The following GPR22 variants were observed in gnomAD, a reference collection of about 807,000 sequenced individuals.
GPR22 encodes G protein-coupled receptor 22.
A neutral mutation model predicts 31.0 loss-of-function variants in GPR22; 13 were observed. That is an observed-to-expected ratio of 0.42 (90% CI 0.27 to 0.67). GPR22 has a LOEUF of 0.67. Among genes scored for constraint, GPR22 ranks in the 30% least tolerant of loss-of-function variants. The pLI, the probability that GPR22 is intolerant of heterozygous loss-of-function variation, is 0.25. For synonymous variants in GPR22, 191 were observed against 173.4 expected, an observed-to-expected ratio of 1.10 and a Z score of -0.80; for missense variants, 368 against 509.6, an observed-to-expected ratio of 0.72 and a Z score of 2.67.
chr7:107,477,327 GACT>G (rs1296558138), downstream of GPR22, among the ~76,000 whole-genome samples: 1 of 151,414 alleles, frequency 6.6e-6, no homozygotes, highest in Non-Finnish European at 1.5e-5. Context: ...ATAAAAATTA[GACT>G]ATTTTTAGAA....
chr7:107,477,765 C>T (rs1584875111), downstream of GPR22, among the ~76,000 whole-genome samples: 1 of 152,002 alleles, frequency 6.6e-6, no homozygotes, highest in South Asian at 2.1e-4. Flanking sequence ...ATGTTTCCAA[C>T]TACTGACCTC....
rs1796628463 is a variant in GPR22 at position 107,471,456 on chromosome 7, G to GC, written c.-873_-872insC. On this transcript the variant is annotated 5_prime_UTR_variant, in exon 2 of 3. It removes the in-frame stop codon of an upstream open reading frame in the 5' UTR. Coordinates refer to ENST00000304402, the MANE Select transcript of GPR22 (RefSeq NM_005295.3). Reference sequence around the variant, plus strand: ...GCATCTCCCTAGCTGTCTGAACTACGAACTGCAAGATGTTCTTGTAACACG... The same window carrying GC: ...GCATCTCCCTAGCTGTCTGAACTACGCAACTGCAAGATGTTCTTGTAACACG... The GC allele has an allele frequency of 6.6e-6, 1 of 151,938 alleles. No individual in the cohort carries two copies. The highest frequency in any genetic ancestry group is 2.4e-5 in the African/African-American group (1 of 41,396). The allele number at this position is 151,938 out of a possible 1,614,324, so 9.4% of individuals were successfully genotyped here. A position where few individuals can be genotyped will look rare whatever the true frequency, so the allele number is the denominator to read the frequency against.
chr7:107,473,419 T>C (rs1796761642), intron 2 of GPR22, among the ~76,000 whole-genome samples: 1 of 152,066 alleles, frequency 6.6e-6, no homozygotes, highest in African/African-American at 2.4e-5. Context: ...AACTGTGATA[T>C]GTAAAATATT....
chr7:107,476,000 T>A (rs946024023), downstream of GPR22, among the ~76,000 whole-genome samples: 13 of 151,138 alleles, frequency 8.6e-5, no homozygotes, highest in South Asian at 2.1e-4. Flanking sequence ...AGAGAAACTT[T>A]AAAATTCATG....
rs1318946526 is a variant in GPR22, at chr7:107,475,191, C to T, written c.1131C>T (p.Val377=). 1 of 1,611,494 alleles carries T rather than the reference C, an allele frequency of 6.2e-7. No individual in the cohort carries two copies. Among genetic ancestry groups the T allele is most frequent in the Non-Finnish European group, 8.5e-7 (1 of 1,178,506 alleles). ...TCACTAGACAAAAATTTCAAAAGGT[C>T]TTGAAAAGTAAAATGAAAAAGCGAG... The part of the protein sequence containing the change: ...YAFTRQKFQK[V]LKSKMKKRVV... Residue 377 remains valine, a synonymous_variant, in exon 3 of 3, where the codon GTC becomes GTT. Coordinates refer to ENST00000304402, the MANE Select transcript of GPR22 (RefSeq NM_005295.3).
Position 107,475,401 on chromosome 7 carries a change from G to A in GPR22, c.*39G>A. 1 of 944,872 alleles carries A rather than the reference G, an allele frequency of 1.1e-6. No homozygotes were observed. The highest frequency in any genetic ancestry group is 1.6e-6 in the Non-Finnish European group (1 of 639,372). The allele number at this position is 944,872 out of a possible 1,614,324, so 58.5% of individuals were successfully genotyped here. ...TTTCACCAAATCCACATTCAAATGA[G>A]TTTTAAATTTAAATTGTAAAAACTG... is the stretch of plus-strand genomic sequence containing the variant. On this transcript the variant is annotated 3_prime_UTR_variant, in exon 3 of 3. Transcript: ENST00000304402.
rs181796141 is a variant in GPR22 at position 107,472,385 on chromosome 7, G to A, written c.-27+83G>A. 3.3e-5 allele frequency: 5 copies of A among 152,024 alleles called. No individual in the cohort carries two copies. In the East Asian group the frequency reaches 7.7e-4, roughly 23 times the overall value. 9.4% of individuals were successfully genotyped at this position (152,024 alleles called of 1,614,324 possible). On this transcript the variant is annotated intron_variant, in intron 2 of 2. Coordinates refer to ENST00000304402, the MANE Select transcript of GPR22 (RefSeq NM_005295.3). ...TCATAGTGAACCAAAAGGCCCATAA[G>A]GCAACAGCAAACAGGTAGGTCAGAA... is the stretch of plus-strand genomic sequence containing the variant.
downstream of GPR22, among the ~76,000 whole-genome samples, chr7:107,476,671 T>A (rs986164631): frequency 1.3e-5 from 2 of 151,832 alleles, no homozygotes; most frequent in Non-Finnish European, 3.0e-5. Flanking sequence ...AATATCACTA[T>A]CAGAAATTTA....
chr7:107,476,312 A>AG (rs988328572), downstream of GPR22, among the ~76,000 whole-genome samples: 1 of 151,138 alleles, frequency 6.6e-6, no homozygotes, highest in Non-Finnish European at 1.5e-5. Context: ...ATGAAAAAAA[A>AG]AAGACTTTAA....
At position 107,474,238 on chromosome 7, in the gene GPR22, C is replaced by G; in HGVS notation, c.178C>G (p.Leu60Val). 1 of 1,612,928 alleles carries G rather than the reference C, an allele frequency of 6.2e-7. No homozygotes were observed. Among genetic ancestry groups the G allele is most frequent in the Non-Finnish European group, 8.5e-7 (1 of 1,179,184 alleles). ...LEIVLGLGSNLTVLVLYCMKS... is the reference protein window; with the variant it reads ...LEIVLGLGSNVTVLVLYCMKS... ...AATTGTGTTGGGACTTGGCAGCAAC[C>G]TCACTGTATTGGTACTTTACTGCAT... is the stretch of plus-strand genomic sequence containing the variant. The change falls in exon 3 of 3, where the codon CTC becomes GTC. Residue 60 changes from leucine (L) to valine (V), a missense_variant. Coordinates refer to ENST00000304402, the MANE Select transcript of GPR22 (RefSeq NM_005295.3). The surrounding 1 kb of genome is among the most constrained non-coding windows in gnomAD (Gnocchi z 5.7).
Position 107,475,433 on chromosome 7 carries a change from C to T in GPR22, c.*71C>T. ...ATTTAAATTGTAAAAACTGATATTA[C>T]TGCCAAATATAAGAAAAATATTTTA... On this transcript the variant is annotated 3_prime_UTR_variant, in exon 3 of 3. Transcript: ENST00000304402. The T allele has an allele frequency of 1.4e-6, 1 of 699,510 alleles. No homozygotes were observed. The highest frequency in any genetic ancestry group is 2.3e-6 in the Non-Finnish European group (1 of 426,664). The allele number at this position is 699,510 out of a possible 1,614,324, so 43.3% of individuals were successfully genotyped here.
Position 107,474,075 on chromosome 7 carries a change from C to T in GPR22, c.15C>T (p.Pro5=). The change falls in exon 3 of 3, where the codon CCC becomes CCT. Residue 5 remains proline, a synonymous_variant. Transcript: ENST00000304402. This position sits in a 1 kb window ranked among gnomAD's most constrained non-coding sequence, Gnocchi z 5.7. Reference sequence around the variant, plus strand: ...GCTCCAAAAGAATGTGTTTTTCTCCCATTCTGGAAATCAACATGCAGTCTG... The same window carrying T: ...GCTCCAAAAGAATGTGTTTTTCTCCTATTCTGGAAATCAACATGCAGTCTG... The part of the protein sequence containing the change: MCFS[P]ILEINMQSES... The T allele has an allele frequency of 1.3e-6, 2 of 1,559,784 alleles. No individual in the cohort carries two copies. Among genetic ancestry groups the T allele is most frequent in the Non-Finnish European group, 1.7e-6 (2 of 1,149,270 alleles).
downstream of GPR22, among the ~76,000 whole-genome samples, chr7:107,476,465 A>C (rs936042597): frequency 6.6e-6 from 1 of 151,564 alleles, no homozygotes; most frequent in Admixed American, 6.6e-5. Context: ...GAAATCACTA[A>C]GGTAACAATA....
chr7:107,472,607 A>G (rs909631901), intron 2 of GPR22: 1 of 151,996 alleles, frequency 6.6e-6, no homozygotes, highest in African/African-American at 2.4e-5. Context: ...TTCCATTTTT[A>G]TAGGATTTCA....
intron 2 of GPR22, among the ~76,000 whole-genome samples, chr7:107,473,327 C>A (rs748005326): frequency 6.6e-6 from 1 of 151,818 alleles, no homozygotes; most frequent in Non-Finnish European, 1.5e-5. Context: ...TTTTACCAAG[C>A]TTTGTAGCTT....
rs766158506 is a variant in GPR22, at chr7:107,474,411, C to G, written c.351C>G (p.Phe117Leu). 1 of 1,612,862 alleles carries G rather than the reference C, an allele frequency of 6.2e-7. No homozygotes were observed. The highest frequency in any genetic ancestry group is 1.3e-5 in the African/African-American group (1 of 74,874). The change falls in exon 3 of 3, where the codon TTC (phenylalanine) becomes TTG (leucine). Residue 117 changes from phenylalanine (F) to leucine (L), a missense_variant. Transcript: ENST00000304402. The surrounding 1 kb of genome is among the most constrained non-coding windows in gnomAD (Gnocchi z 5.7). ...GTAACACTGCTCTCATTTGCTGTTT[C>G]CATGAGGCTTGTGTATCTTTTGCAA... ...LESNTALICCFHEACVSFASV... is the reference protein window; with the variant it reads ...LESNTALICCLHEACVSFASV...
chr7:107,475,647 T>TTTTTTA lies in GPR22; in HGVS notation c.*285_*286insTTTTTA, dbSNP rs1796930327. 2 of 268,662 alleles carry TTTTTTA rather than the reference T, an allele frequency of 7.4e-6. No individual in the cohort carries two copies. Among genetic ancestry groups the TTTTTTA allele is most frequent in the Non-Finnish European group, 1.5e-5 (2 of 133,736 alleles). The allele number at this position is 268,662 out of a possible 1,614,324, so 16.6% of individuals were successfully genotyped here. ...TCATATTTTTTAAGGAATAAATACA[T>TTTTTTA]AGCCTTAAAACAGTGTATAACTTTA... On this transcript the variant is annotated 3_prime_UTR_variant, in exon 3 of 3. Transcript: ENST00000304402.
rs888291770 is a variant in GPR22, at chr7:107,470,425, T to G, written c.-978T>G. 1 of 152,184 alleles carries G rather than the reference T, an allele frequency of 6.6e-6. No individual in the cohort carries two copies. The highest frequency in any genetic ancestry group is 1.5e-5 in the Non-Finnish European group (1 of 68,022). 9.4% of individuals were successfully genotyped at this position (152,184 alleles called of 1,614,324 possible). ...GGAAATGCTTCAACTACATCAAGAA[T>G]TTATCAAATCTTTAGCAGAGGTAAG... On this transcript the variant is annotated 5_prime_UTR_variant, in exon 1 of 3. Transcript: ENST00000304402.
chr7:107,476,184 TA>T (rs34741713), downstream of GPR22, among the ~76,000 whole-genome samples: 130 of 44,066 alleles, frequency 3.0e-3, 1 homozygote, highest in South Asian at 0.016. Context: ...GCAATGATTT[TA>T]AAAAAAAAAA....
Sources: allele counts gnomAD v4.1 joint callset (sites outside exome capture counted in the v4.1 genomes callset), GRCh38; gene constraint gnomAD v4.1.1; non-coding constraint Gnocchi (gnomAD v3.1); transcripts MANE v1.5; gene names NCBI Gene and HGNC (gene_info 2026-07-23, HGNC 2026-07-21).